Variants in CAMK4 observed in about 807,000 individuals in gnomAD.
CAMK4 encodes calcium/calmodulin-dependent protein kinase type IV.
A neutral mutation model predicts 44.9 loss-of-function variants in CAMK4; 22 were observed. The observed-to-expected ratio is 0.49, with a 90% CI of 0.35 to 0.70. CAMK4 has a LOEUF of 0.70. Ranked by LOEUF, CAMK4 falls within the 30% of genes least tolerant of loss-of-function variation. CAMK4 has a pLI of 0.01. For missense variants in CAMK4, 498 were observed against 586.8 expected, an observed-to-expected ratio of 0.85 and a Z score of 1.56; for synonymous variants, 218 against 215.4, an observed-to-expected ratio of 1.01 and a Z score of -0.11.
intron 1 of CAMK4, among the ~76,000 whole-genome samples, chr5:111,231,739 C>T (rs1049326300): frequency 6.6e-6 from 1 of 151,916 alleles, no homozygotes; most frequent in South Asian, 2.1e-4. Context: ...AATTTATTTA[C>T]CAAGAATACA....
At chr5:111,386,858 G>T (rs1194796732) in intron 4 of CAMK4, among the ~76,000 whole-genome samples, 1 of 152,194 alleles carries the variant, frequency 6.6e-6, no homozygotes, top group African/African-American at 2.4e-5. Context: ...TGTCTGCTAG[G>T]CCCCCTGGCA....
At chr5:111,281,231 A>G (rs1425114643) in intron 1 of CAMK4, among the ~76,000 whole-genome samples, 1 of 152,172 alleles carries the variant, frequency 6.6e-6, no homozygotes, top group African/African-American at 2.4e-5. Flanking sequence ...CATGCTGGAC[A>G]GTTCTGTGGT....
intron 1 of CAMK4, among the ~76,000 whole-genome samples, chr5:111,342,736 C>T (rs1014116740): frequency 2.0e-5 from 3 of 151,360 alleles, no homozygotes; most frequent in Non-Finnish European, 4.4e-5. Flanking sequence ...CATTTTAGCT[C>T]CATTATTGAA....
intron 1 of CAMK4, among the ~76,000 whole-genome samples, chr5:111,233,356 C>T (rs528099851): frequency 1.1e-4 from 17 of 152,318 alleles, no homozygotes; most frequent in South Asian, 8.3e-4. Flanking sequence ...GAAACTGCTA[C>T]AGTTACAGTT....
chr5:111,341,742 A>G (rs751215848), intron 1 of CAMK4, among the ~76,000 whole-genome samples: 5 of 151,290 alleles, frequency 3.3e-5, no homozygotes, highest in African/African-American at 4.8e-5. Flanking sequence ...TTTACAATTC[A>G]TGAGATAGGT....
Position 111,224,390 on chromosome 5 carries a change from C to T in CAMK4, c.-94C>T, listed in dbSNP as rs868009254. ...CGCGTGAAGGACGCCGCCTCTCTCTCGCTCCTGCGTTCGCAGGCGGCGGCT... is the reference window on the plus strand; with the variant it reads ...CGCGTGAAGGACGCCGCCTCTCTCTTGCTCCTGCGTTCGCAGGCGGCGGCT... On this transcript the variant is annotated 5_prime_UTR_variant, in exon 1 of 11. Transcript: ENST00000282356. The surrounding 1 kb of genome is among the most constrained non-coding windows in gnomAD (Gnocchi z 5.7). The T allele has an allele frequency of 2.1e-6, 3 of 1,441,936 alleles. No homozygotes were observed. The highest frequency in any genetic ancestry group is 5.9e-5 in the East Asian group (2 of 33,688). 89.3% of individuals were successfully genotyped at this position (1,441,936 alleles called of 1,614,324 possible).
intron 7 of CAMK4, among the ~76,000 whole-genome samples, chr5:111,466,072 C>A (rs999036563): frequency 2.9e-4 from 44 of 152,038 alleles, no homozygotes; most frequent in Admixed American, 2.1e-3. Context: ...TGTGATACAC[C>A]ACATAAACAG....
intron 1 of CAMK4, among the ~76,000 whole-genome samples, chr5:111,300,356 G>GCA (rs1411231612): frequency 1.3e-5 from 2 of 152,166 alleles, no homozygotes; most frequent in African/African-American, 4.8e-5. Context: ...CCTTGTGGGG[G>GCA]AGTAGGACTT....
chr5:111,373,883 T>C (rs1751109364), intron 2 of CAMK4, among the ~76,000 whole-genome samples: 1 of 152,130 alleles, frequency 6.6e-6, no homozygotes, highest in African/African-American at 2.4e-5. Context: ...CATTAAAACG[T>C]TTATGTCTAC....
intron 7 of CAMK4, among the ~76,000 whole-genome samples, chr5:111,459,740 G>C (rs1489397812): frequency 7.3e-6 from 1 of 137,696 alleles, no homozygotes; most frequent in East Asian, 2.1e-4. Flanking sequence ...TGTCACCCAG[G>C]CTGGAGTGCA....
In CAMK4 at chr5:111,378,166, A is replaced by G. The variant is rs543602693; in HGVS notation, c.386+1224A>G. Among the ~76,000 whole-genome samples, 5 of 152,168 alleles carry G rather than the reference A, an allele frequency of 3.3e-5. No individual in the cohort carries two copies. The South Asian group carries it at 1.0e-3, about 32-fold the overall frequency. ...AGTGCCGTTATAAAAGAGGCCCTAGAGAGCTGCCTTTCCCCTTTTACTATG... is the reference window on the plus strand; with the variant it reads ...AGTGCCGTTATAAAAGAGGCCCTAGGGAGCTGCCTTTCCCCTTTTACTATG... On this transcript the variant is annotated intron_variant, in intron 4 of 10. Transcript: ENST00000282356.
intron 1 of CAMK4, among the ~76,000 whole-genome samples, chr5:111,289,144 C>T (rs937844810): frequency 2.0e-5 from 3 of 151,974 alleles, no homozygotes; most frequent in African/African-American, 7.2e-5. Context: ...GTCAGGAGTT[C>T]AAGATTACCC....
chr5:111,435,030 A>G (rs1253805496), intron 5 of CAMK4, among the ~76,000 whole-genome samples: 1 of 152,182 alleles, frequency 6.6e-6, no homozygotes, highest in Non-Finnish European at 1.5e-5. Context: ...TACACAATGA[A>G]ACAGTTTTTG....
intron 1 of CAMK4, among the ~76,000 whole-genome samples, chr5:111,272,999 A>G (rs887605923): frequency 6.6e-6 from 1 of 152,204 alleles, no homozygotes; most frequent in East Asian, 1.9e-4. Flanking sequence ...CACAAGTGCC[A>G]TATCTATTTC....
intron 7 of CAMK4, among the ~76,000 whole-genome samples, chr5:111,461,813 T>TAAAAAAAAAA (rs3066731): frequency 2.2e-4 from 15 of 69,156 alleles, no homozygotes; most frequent in South Asian, 1.3e-3. Context: ...GCCTCTATAG[T>TAAAAAAAAAA]AAAAAAAAAA....
intron 5 of CAMK4, among the ~76,000 whole-genome samples, chr5:111,404,126 G>A (rs898147557): frequency 1.3e-5 from 2 of 152,160 alleles, no homozygotes; most frequent in Non-Finnish European, 2.9e-5. Flanking sequence ...GGTTGGCTAA[G>A]CATACATATT....
intron 1 of CAMK4, chr5:111,277,690 T>A (rs890708521): frequency 6.6e-6 from 1 of 152,192 alleles, no homozygotes; most frequent in Non-Finnish European, 1.5e-5. Context: ...GTCGTGTTTT[T>A]TTTCTTTAAG....
chr5:111,465,787 T>C (rs1294024737), intron 7 of CAMK4, among the ~76,000 whole-genome samples: 1 of 152,214 alleles, frequency 6.6e-6, no homozygotes, highest in Admixed American at 6.5e-5. Context: ...AAAGAAGAAT[T>C]GGGACCAATC....
At chr5:111,384,744 C>T (rs1751538603) in intron 4 of CAMK4, among the ~76,000 whole-genome samples, 1 of 152,142 alleles carries the variant, frequency 6.6e-6, no homozygotes, top group African/African-American at 2.4e-5. Context: ...CCTGTTGCAC[C>T]TTTGCATTGT....
Sources: allele counts gnomAD v4.1 joint callset (sites outside exome capture counted in the v4.1 genomes callset), GRCh38; gene constraint gnomAD v4.1.1; non-coding constraint Gnocchi (gnomAD v3.1); transcripts MANE v1.5; gene names NCBI Gene and HGNC (gene_info 2026-07-23, HGNC 2026-07-21).